The following A2M variants were observed in gnomAD, a reference collection of about 807,000 sequenced individuals.
The protein encoded by A2M is alpha-2-macroglobulin, also known as C3 and PZP-like alpha-2-macroglobulin domain-containing protein 5.
In A2M, 128 loss-of-function variants were observed where a neutral mutation model predicts 183.9. The observed-to-expected ratio is 0.70, with a 90% CI of 0.60 to 0.81. The LOEUF (loss-of-function observed/expected upper bound fraction) is 0.81. A2M is among the 30% of genes least tolerant of loss of function. The pLI, the probability that A2M is intolerant of heterozygous loss-of-function variation, is 0.00. For synonymous variants in A2M, 592 were observed against 670.8 expected, an observed-to-expected ratio of 0.88 and a Z score of 1.81; for missense variants, 1,495 against 1,787.6, an observed-to-expected ratio of 0.84 and a Z score of 2.95.
chr12:9,070,497 T>C lies in A2M; in HGVS notation c.4185A>G (p.Thr1395=). ...MVSGFIPLKP[T]VKMLERSNHV... ...GTTATGATAAACCTACCATTTTCAC[T>C]GTTGGCTTCAGGGGAATGAAGCCAG... The change falls in exon 32 of 36, where the codon ACA becomes ACG. Residue 1395 remains threonine (T), a synonymous_variant. Transcript: ENST00000318602. 2 of 1,612,940 alleles carry C rather than the reference T, an allele frequency of 1.2e-6. No individual in the cohort carries two copies. The highest frequency in any genetic ancestry group is 1.7e-6 in the Non-Finnish European group (2 of 1,179,072).
intron 18 of A2M, among the ~76,000 whole-genome samples, chr12:9,092,500 G>A (rs1226189003): frequency 6.6e-6 from 1 of 152,138 alleles, no homozygotes; most frequent in Non-Finnish European, 1.5e-5. Flanking sequence ...TAAACAGCCT[G>A]CATCTGGGAG....
chr12:9,089,397 C>A, intron 21 of A2M, 146 bp from the exon 22 acceptor site: 1 of 652,622 alleles, frequency 1.5e-6, no homozygotes, highest in South Asian at 1.9e-5. Flanking sequence ...AAGCAATATA[C>A]GTAGGAGGTA....
intron 22 of A2M, among the ~76,000 whole-genome samples, chr12:9,088,248 A>T (rs772385011): frequency 3.0e-4 from 41 of 136,792 alleles, no homozygotes; most frequent in Non-Finnish European, 5.2e-4. Context: ...CTTTAATGTG[A>T]TGTTCTGTTT....
chr12:9,115,436 C>A (rs1939048180), intron 1 of A2M: 2 of 186,368 alleles, frequency 1.1e-5, no homozygotes, highest in Non-Finnish European at 2.3e-5. Context: ...GAAAATGGAC[C>A]CTTGAGAAAG....
intron 22 of A2M, among the ~76,000 whole-genome samples, chr12:9,085,907 C>G (rs1157483148): frequency 6.6e-6 from 1 of 151,994 alleles, no homozygotes; most frequent in Non-Finnish European, 1.5e-5. Context: ...GAAATGAATG[C>G]ATTCCTAGAC....
intron 35 of A2M, 55 bp from the exon 36 acceptor site, chr12:9,067,894 G>A: frequency 6.5e-7 from 1 of 1,540,846 alleles, no homozygotes; most frequent in Non-Finnish European, 8.9e-7. Flanking sequence ...CATGAGCAGA[G>A]AGTATTCTTT....
At chr12:9,109,636 T>C (rs1471661875) in intron 6 of A2M, among the ~76,000 whole-genome samples, 1 of 152,206 alleles carries the variant, frequency 6.6e-6, no homozygotes, top group Non-Finnish European at 1.5e-5. Flanking sequence ...AAAACAAGAA[T>C]GTTTTAATTT....
In A2M at chr12:9,115,797, A is replaced by C. The variant is rs201671036; in HGVS notation, c.53T>G (p.Leu18Arg). The change falls in exon 1 of 36, where the codon CTC becomes CGC. Residue 18 changes from leucine (L) to arginine (R), a missense_variant. Transcript: ENST00000318602. The stretch of plus-strand genomic sequence containing the variant: ...AGAGACTGAGGCGTCTGTGGGCAGG[A>C]GGACCAAGAGGAGAAGAACCAGACT... Reference protein sequence around the residue: ...HPSLVLLLLVLLPTDASVSGK... With the variant: ...HPSLVLLLLVRLPTDASVSGK... 4,212 of 1,613,492 alleles carry C rather than the reference A, an allele frequency of 2.6e-3. 9 individuals are homozygous for C. Among genetic ancestry groups the C allele is most frequent in the Non-Finnish European group, 3.3e-3 (3,907 of 1,179,476 alleles).
intron 22 of A2M, among the ~76,000 whole-genome samples, chr12:9,080,712 AC>A (rs1948885889): frequency 6.6e-6 from 1 of 152,238 alleles, no homozygotes; most frequent in Non-Finnish European, 1.5e-5. Flanking sequence ...GTGAAGACGA[AC>A]AGTATTTGAT....
intron 14 of A2M, among the ~76,000 whole-genome samples, chr12:9,098,983 T>A (rs1304246340): frequency 1.3e-5 from 2 of 152,202 alleles, no homozygotes; most frequent in Non-Finnish European, 2.9e-5. Context: ...TATAAATTAC[T>A]AGTCATGAAA....
intron 22 of A2M, among the ~76,000 whole-genome samples, chr12:9,087,823 G>A (rs999968207): frequency 6.6e-6 from 1 of 151,976 alleles, no homozygotes; most frequent in Non-Finnish European, 1.5e-5. Context: ...ACAAAACTAT[G>A]CATATCTATG....
intron 10 of A2M, 130 bp downstream of exon 10, chr12:9,106,106 G>T: frequency 1.8e-6 from 1 of 547,110 alleles, no homozygotes; most frequent in Non-Finnish European, 3.3e-6. Flanking sequence ...ATCAAGCCTT[G>T]GTGATATTTT....
chr12:9,097,760 GT>G (rs899848241), intron 15 of A2M, among the ~76,000 whole-genome samples: 1 of 151,402 alleles, frequency 6.6e-6, no homozygotes, highest in Non-Finnish European at 1.5e-5. Context: ...AGCCTCCTGA[GT>G]AGCTGGGATG....
chr12:9,067,885 A>T (rs1482810725), intron 35 of A2M, 46 bp from the exon 36 acceptor site: 1 of 1,577,022 alleles, frequency 6.3e-7, no homozygotes, highest in Admixed American at 1.7e-5. Flanking sequence ...TTGGGTCTCC[A>T]TGAGCAGAGA....
intron 31 of A2M, among the ~76,000 whole-genome samples, chr12:9,070,951 G>C (rs1270235601): frequency 6.6e-6 from 1 of 152,090 alleles, no homozygotes; most frequent in Admixed American, 6.6e-5. Context: ...CTCCCGAGTA[G>C]CTGGGATTAC....
chr12:9,080,979 A>G (rs1948892874), intron 22 of A2M, among the ~76,000 whole-genome samples: 1 of 152,180 alleles, frequency 6.6e-6, no homozygotes, highest in Admixed American at 6.5e-5. Flanking sequence ...ATTTACTACA[A>G]TTTTAGTATT....
intron 19 of A2M, 106 bp downstream of exon 19, chr12:9,091,095 T>C: frequency 1.5e-6 from 2 of 1,320,236 alleles, no homozygotes; most frequent in East Asian, 2.4e-5. Flanking sequence ...ATCATGAATA[T>C]CTAGTAAGCA....
intron 29 of A2M, among the ~76,000 whole-genome samples, chr12:9,074,329 T>C (rs372405123): frequency 1.3e-5 from 2 of 152,096 alleles, no homozygotes; most frequent in East Asian, 1.9e-4. Context: ...TTATGGGAAA[T>C]AGGAGATGGA....
chr12:9,113,504 C>G lies in A2M; in HGVS notation c.126G>C (p.Glu42Asp), dbSNP rs979986979. The G allele has an allele frequency of 1.2e-6, 2 of 1,613,810 alleles. No homozygotes were observed. Among genetic ancestry groups the G allele is most frequent in the African/African-American group, 1.3e-5 (1 of 74,846 alleles). The change falls in exon 2 of 36, where the codon GAG becomes GAC. Residue 42 changes from glutamate (E) to aspartate (D), a missense_variant. Glu to Asp is a conservative substitution (Grantham distance 45). Coordinates refer to ENST00000318602, the MANE Select transcript of A2M (RefSeq NM_000014.6). ...GAAGGACACAGCCCTTCTCAGTGGT[C>G]TCAGTGTGGAGCAGGGAGGGGACCA... Reference protein sequence around the residue: ...MVLVPSLLHTETTEKGCVLLS... With the variant: ...MVLVPSLLHTDTTEKGCVLLS...
Sources: allele counts gnomAD v4.1 joint callset (sites outside exome capture counted in the v4.1 genomes callset), GRCh38; gene constraint gnomAD v4.1.1; transcripts MANE v1.5; gene names NCBI Gene and HGNC (gene_info 2026-07-23, HGNC 2026-07-21).